The following GNPTAB variants were observed in gnomAD, a reference collection of about 807,000 sequenced individuals.
GNPTAB encodes the protein N-acetylglucosamine-1-phosphate transferase subunits alpha and beta, also known as N-acetylglucosamine-1-phosphotransferase subunits alpha/beta.
In GNPTAB, 92 loss-of-function variants were observed where a neutral mutation model predicts 136.6. That is an observed-to-expected ratio of 0.67 (90% CI 0.57 to 0.80). The LOEUF is 0.80. Among genes scored for constraint, GNPTAB ranks in the 30% least tolerant of loss-of-function variants. GNPTAB has a pLI of 0.00. For synonymous variants in GNPTAB, 512 were observed against 535.1 expected, an observed-to-expected ratio of 0.96 and a Z score of 0.60; for missense variants, 1,343 against 1,501.8, an observed-to-expected ratio of 0.89 and a Z score of 1.75.
At chr12:101,810,174 C>G (rs1382937605) in intron 1 of GNPTAB, among the ~76,000 whole-genome samples, 1 of 151,920 alleles carries the variant, frequency 6.6e-6, no homozygotes, top group African/African-American at 2.4e-5. Context: ...CTTCAGGCCA[C>G]GAGTTCAAGG....
In GNPTAB at chr12:101,810,396, C is replaced by CATATATAT. The variant is rs55753015; in HGVS notation, c.118-13642_118-13635dup. On this transcript the variant is annotated intron_variant, in intron 1 of 20. Coordinates refer to ENST00000299314, the MANE Select transcript of GNPTAB (RefSeq NM_024312.5). The stretch of plus-strand genomic sequence containing the variant: ...TAAAATATAAAGTCTACTCCAATTT[C>CATATATAT]ATATATATATATATATATATATATA... The CATATATAT allele has an allele frequency of 1.1e-3, 148 of 134,230 alleles. 1 individual carries two copies. The highest frequency in any genetic ancestry group is 3.3e-3 in the African/African-American group (121 of 36,622). The allele number at this position is 134,230 out of a possible 1,614,324, so 8.3% of individuals were successfully genotyped here. A position where few individuals can be genotyped will look rare whatever the true frequency, so the allele number is the denominator to read the frequency against.
chr12:101,800,625 A>T (rs1232094784), intron 1 of GNPTAB, among the ~76,000 whole-genome samples: 1 of 150,570 alleles, frequency 6.6e-6, no homozygotes, highest in Non-Finnish European at 1.5e-5. Flanking sequence ...AAAAAAAAAA[A>T]AAATCAGCCA....
chr12:101,818,512 G>C (rs1594260029), intron 1 of GNPTAB, among the ~76,000 whole-genome samples: 1 of 151,784 alleles, frequency 6.6e-6, no homozygotes, highest in Non-Finnish European at 1.5e-5. Context: ...CAAGTAGCTG[G>C]GATTACGGGC....
chr12:101,803,101 AC>A (rs1164983481), intron 1 of GNPTAB, among the ~76,000 whole-genome samples: 1 of 152,166 alleles, frequency 6.6e-6, no homozygotes, highest in Non-Finnish European at 1.5e-5. Flanking sequence ...AGAAAGTGAT[AC>A]CCCAAAGACT....
At chr12:101,785,288 G>T (rs1453598756) in intron 5 of GNPTAB, among the ~76,000 whole-genome samples, 1 of 152,188 alleles carries the variant, frequency 6.6e-6, no homozygotes, top group African/African-American at 2.4e-5. Context: ...GCTCAGCCTT[G>T]AATTCCTGGG....
intron 7 of GNPTAB, chr12:101,779,906 T>C (rs1253733438): frequency 9.6e-6 from 5 of 523,408 alleles, no homozygotes; most frequent in East Asian, 3.5e-5. Flanking sequence ...ATGGGAGACA[T>C]TGTAGGAGCT....
chr12:101,765,889 C>T (rs1953084183), intron 12 of GNPTAB: 2 of 559,612 alleles, frequency 3.6e-6, no homozygotes, highest in Admixed American at 2.8e-5. Flanking sequence ...CAAAACAAAA[C>T]ACCAGACTGC....
At chr12:101,820,078 C>G (rs375794256) in intron 1 of GNPTAB, among the ~76,000 whole-genome samples, 1 of 152,216 alleles carries the variant, frequency 6.6e-6, no homozygotes, top group African/African-American at 2.4e-5. Context: ...TGAGATGGGA[C>G]AGTTGGCACT....
chr12:101,805,703 T>A (rs566156507), intron 1 of GNPTAB, among the ~76,000 whole-genome samples: 27 of 152,274 alleles, frequency 1.8e-4, no homozygotes, highest in South Asian at 4.1e-4. Context: ...GTTATTTTTT[T>A]AAAAAATAGC....
chr12:101,761,905 T>C, intron 13 of GNPTAB, 142 bp from the exon 14 acceptor site: 1 of 702,562 alleles, frequency 1.4e-6, no homozygotes, highest in Admixed American at 2.1e-5. Context: ...AACGGGTCAC[T>C]TTAAGGATCT....
chr12:101,828,106 A>G (rs1409081579), intron 1 of GNPTAB, among the ~76,000 whole-genome samples: 1 of 152,278 alleles, frequency 6.6e-6, no homozygotes, highest in Non-Finnish European at 1.5e-5. Flanking sequence ...TCAAGGATAT[A>G]TTTCAAAATA....
At chr12:101,777,987 C>T (rs1953283840) in intron 7 of GNPTAB, among the ~76,000 whole-genome samples, 1 of 152,178 alleles carries the variant, frequency 6.6e-6, no homozygotes, top group Non-Finnish European at 1.5e-5. Context: ...TCTGAAAATC[C>T]AAATAAATCT....
chr12:101,794,602 T>G (rs1869178208), intron 2 of GNPTAB, among the ~76,000 whole-genome samples: 1 of 152,210 alleles, frequency 6.6e-6, no homozygotes, highest in Admixed American at 6.5e-5. Flanking sequence ...TTATATATGA[T>G]CCATTTATTT....
intron 18 of GNPTAB, among the ~76,000 whole-genome samples, chr12:101,755,627 G>A (rs1429925758): frequency 1.3e-5 from 2 of 152,190 alleles, no homozygotes; most frequent in Admixed American, 6.5e-5. Flanking sequence ...AACAAAGCCT[G>A]GAGATTGTCT....
At chr12:101,775,282 C>A (rs1953245726) in intron 7 of GNPTAB, among the ~76,000 whole-genome samples, 2 of 152,158 alleles carry the variant, frequency 1.3e-5, no homozygotes, top group South Asian at 4.1e-4. Context: ...AGGAAAAAAA[C>A]CCCACGTCTG....
At chr12:101,753,566 T>A (rs1357543197) in intron 18 of GNPTAB, 27 bp from the exon 19 acceptor site, 1 of 1,582,502 alleles carries the variant, frequency 6.3e-7, no homozygotes, top group Non-Finnish European at 8.7e-7. Flanking sequence ...CCAGGGTTAT[T>A]AGTTACATAT....
Position 101,766,050 on chromosome 12 carries a change from G to A in GNPTAB, c.1612+41C>T, listed in dbSNP as rs368675558. 1.7e-5 allele frequency: 26 copies of A among 1,543,398 alleles called. No individual in the cohort carries two copies. The Admixed American group carries it at 2.5e-4, about 15-fold the overall frequency. ...AAAACTCTCTCTACCTGTCAAGGAT[G>A]TTTTATGCTCCCATTCTTATTTGTT... On this transcript the variant is annotated intron_variant, in intron 12 of 20. Coordinates refer to ENST00000299314, the MANE Select transcript of GNPTAB (RefSeq NM_024312.5).
rs10641124 is a variant in GNPTAB, at chr12:101,825,699, C to CGTTTT, written c.117+4859_117+4860insAAAAC. On this transcript the variant is annotated intron_variant, in intron 1 of 20. Coordinates refer to ENST00000299314, the MANE Select transcript of GNPTAB (RefSeq NM_024312.5). Reference sequence around the variant, plus strand: ...GGCATCTCTAGTATAAAATCCATTACAAGTCATGCTTCTCATGTGAAGTAT... The same window carrying CGTTTT: ...GGCATCTCTAGTATAAAATCCATTACGTTTTAAGTCATGCTTCTCATGTGAAGTAT... Among the ~76,000 whole-genome samples the CGTTTT allele has an allele frequency of 3.7e-3, 554 of 151,650 alleles. 3 individuals carry two copies. The highest frequency in any genetic ancestry group is 0.013 in the African/African-American group (533 of 41,378).
chr12:101,765,029 T>C lies in GNPTAB; in HGVS notation c.1888A>G (p.Thr630Ala), dbSNP rs764290104. ...TNDEEFKMQI[T>A]VEVDTREGPK... is the part of the protein sequence containing the mutation. ...CCCTCCCTTGTGTCCACCTCCACTG[T>C]TATCTGCATTTTGAACTCTTCATCG... The change falls in exon 13 of 21, where the codon ACA (threonine) becomes GCA (alanine). Residue 630 changes from threonine (T) to alanine (A), a missense_variant. Physicochemically the swap from Thr to Ala is moderately conservative, Grantham distance 58. Coordinates refer to ENST00000299314, the MANE Select transcript of GNPTAB (RefSeq NM_024312.5). The C allele has an allele frequency of 6.2e-7, 1 of 1,614,228 alleles. No homozygotes were observed. The highest frequency in any genetic ancestry group is 2.2e-5 in the East Asian group (1 of 44,890).
Sources: allele counts gnomAD v4.1 joint callset (sites outside exome capture counted in the v4.1 genomes callset), GRCh38; gene constraint gnomAD v4.1.1; transcripts MANE v1.5; gene names NCBI Gene and HGNC (gene_info 2026-07-23, HGNC 2026-07-21).